Variants in LARP4B observed in about 807,000 individuals in gnomAD.
LARP4B encodes la-related protein 4B.
In LARP4B, 12 loss-of-function variants were observed where a neutral mutation model predicts 89.8. The observed-to-expected ratio is 0.13, with a 90% CI of 0.09 to 0.22. The LOEUF (loss-of-function observed/expected upper bound fraction) is 0.22. LARP4B is among the 10% of genes least tolerant of loss of function. The probability of loss-of-function intolerance (pLI) is 1.00; values close to 1 mark genes in which losing one functional copy is unlikely to be tolerated. For missense variants in LARP4B, 757 were observed against 947.7 expected (o/e 0.80, Z 2.64); for synonymous variants, 367 against 363.3 (o/e 1.01, Z -0.12).
intron 5 of LARP4B, among the ~76,000 whole-genome samples, chr10:862,709 G>T (rs945486317): frequency 6.6e-6 from 1 of 151,718 alleles, no homozygotes; most frequent in Non-Finnish European, 1.5e-5. Flanking sequence ...GCAGTGAGCC[G>T]ATGTCTCACC....
chr10:978,728 A>G, the LARP4B span, among the ~76,000 whole-genome samples: 1 of 152,158 alleles, frequency 6.6e-6, no homozygotes, highest in African/African-American at 2.4e-5. Flanking sequence ...AGATATTACT[A>G]TTGTTTTTTA....
chr10:825,000 T>A, intron 13 of LARP4B, 65 bp downstream of exon 13: 1 of 1,426,622 alleles, frequency 7.0e-7, no homozygotes, highest in Non-Finnish European at 9.3e-7. Flanking sequence ...ACAAAACATA[T>A]CTAAATTAAA....
At chr10:959,400 CA>C in the LARP4B span, among the ~76,000 whole-genome samples, 1 of 115,690 alleles carries the variant, frequency 8.6e-6, no homozygotes. Flanking sequence ...CTCATCAATC[CA>C]CCTCCCCATC....
chr10:876,759 G>A (rs1224450771), intron 3 of LARP4B, among the ~76,000 whole-genome samples: 1 of 152,106 alleles, frequency 6.6e-6, no homozygotes, highest in Non-Finnish European at 1.5e-5. Flanking sequence ...TCTGCAGCAG[G>A]TTCAACTCCA....
intron 5 of LARP4B, among the ~76,000 whole-genome samples, chr10:859,773 C>A (rs1028297205): frequency 2.0e-5 from 3 of 151,690 alleles, no homozygotes; most frequent in African/African-American, 7.3e-5. Context: ...AGAAACCTAT[C>A]TAAGAAGGCT....
At chr10:871,103 T>C (rs894693294) in intron 3 of LARP4B, among the ~76,000 whole-genome samples, 1 of 152,228 alleles carries the variant, frequency 6.6e-6, no homozygotes, top group East Asian at 1.9e-4. Flanking sequence ...CTCTATGTCA[T>C]CTTCACTTGT....
At chr10:970,551 G>A in the LARP4B span, among the ~76,000 whole-genome samples, 29 of 152,226 alleles carry the variant, frequency 1.9e-4, no homozygotes, top group Middle Eastern at 3.4e-3. Flanking sequence ...AGCACTCATC[G>A]GGACTTCTGT....
the LARP4B span, among the ~76,000 whole-genome samples, chr10:978,654 G>C: frequency 2.0e-5 from 3 of 152,136 alleles, no homozygotes; most frequent in Non-Finnish European, 4.4e-5. Context: ...GTAGGACCTA[G>C]AACTCTTAAC....
intron 5 of LARP4B, among the ~76,000 whole-genome samples, chr10:861,201 C>A (rs558678069): frequency 6.6e-6 from 1 of 152,232 alleles, no homozygotes; most frequent in African/African-American, 2.4e-5. Flanking sequence ...AAGGAGAGGG[C>A]ACAGGAAGCT....
chr10:829,831 T>C, intron 9 of LARP4B, 97 bp from the exon 10 acceptor site: 2 of 825,060 alleles, frequency 2.4e-6, no homozygotes, highest in African/African-American at 1.7e-5. Flanking sequence ...AAATATATAA[T>C]TAAATTATGG....
At chr10:944,802 T>G in the LARP4B span, among the ~76,000 whole-genome samples, 12 of 152,344 alleles carry the variant, frequency 7.9e-5, no homozygotes, top group Non-Finnish European at 1.6e-4. Context: ...GATTTCTAAT[T>G]AAATCCAGTC....
chr10:988,294 C>T, the LARP4B span: 1 of 608,262 alleles, frequency 1.6e-6, no homozygotes, highest in East Asian at 2.9e-5. Flanking sequence ...ACACGCCCTC[C>T]GTGGCTGACC....
chr10:892,902 ATTTTT>A (rs56051964), intron 1 of LARP4B, among the ~76,000 whole-genome samples: 41 of 117,946 alleles, frequency 3.5e-4, no homozygotes, highest in African/African-American at 1.2e-3. Flanking sequence ...ACCAAGAGAA[ATTTTT>A]TTTTTTTTTT....
At chr10:932,111 C>A (rs1157260153), upstream of LARP4B, among the ~76,000 whole-genome samples, 1 of 151,920 alleles carries the variant, frequency 6.6e-6, no homozygotes, top group Non-Finnish European at 1.5e-5. Flanking sequence ...AGACCCCTGC[C>A]CGCCGCCCAG....
chr10:855,382 A>C (rs953727321), intron 5 of LARP4B, among the ~76,000 whole-genome samples: 17 of 152,176 alleles, frequency 1.1e-4, no homozygotes, highest in Middle Eastern at 3.2e-3. Context: ...AGATAAGTAA[A>C]ACTCTTCCTT....
Position 888,342 on chromosome 10 carries a change from A to C in LARP4B, c.-39-2582T>G, listed in dbSNP as rs570133059. Among the ~76,000 whole-genome samples the C allele has an allele frequency of 6.5e-3, 975 of 150,924 alleles. 16 individuals carry two copies. The highest frequency in any genetic ancestry group is 0.022 in the African/African-American group (915 of 41,082). ...CTCAAAAACAAACAAACAAACAAAA[A>C]AAAAAAAACACACACACACACACAA... On this transcript the variant is annotated intron_variant, in intron 1 of 17. Coordinates refer to ENST00000316157, the MANE Select transcript of LARP4B (RefSeq NM_015155.3).
intron 1 of LARP4B, among the ~76,000 whole-genome samples, chr10:915,781 C>T (rs1192488732): frequency 3.4e-5 from 5 of 148,504 alleles, no homozygotes; most frequent in Admixed American, 2.8e-4. Context: ...TGCAGTGAGC[C>T]CAGATGGCGC....
the LARP4B span, among the ~76,000 whole-genome samples, chr10:980,989 A>T: frequency 6.6e-6 from 1 of 152,248 alleles, no homozygotes; most frequent in Admixed American, 6.5e-5. Context: ...CATCTGAGGT[A>T]AGCTGTTAGA....
At chr10:847,012 T>C (rs566300131) in intron 5 of LARP4B, among the ~76,000 whole-genome samples, 2 of 152,270 alleles carry the variant, frequency 1.3e-5, no homozygotes, top group South Asian at 4.1e-4. Context: ...TAGATCTGGC[T>C]GCACCAGGGT....
Sources: gnomAD v4.1 joint callset for allele counts (sites outside exome capture counted in the v4.1 genomes callset) on GRCh38, gnomAD v4.1.1 for gene constraint, MANE v1.5 for transcripts, NCBI Gene and HGNC (gene_info 2026-07-23, HGNC 2026-07-21) for gene names.